TEX15: variants seen among roughly 807,000 people sequenced by gnomAD.
TEX15 encodes the protein testis expressed 15, meiosis and synapsis associated.
A neutral mutation model predicts 237.3 loss-of-function variants in TEX15; 171 were observed. The ratio of observed to expected loss-of-function variants is 0.72; its 90% CI spans 0.64 to 0.82. The LOEUF (loss-of-function observed/expected upper bound fraction) is 0.82. Ranked by LOEUF, TEX15 falls within the 40% of genes least tolerant of loss-of-function variation. TEX15 has a pLI of 0.00. For synonymous variants in TEX15, 1,338 were observed against 1,269.8 expected, an observed-to-expected ratio of 1.05 and a Z score of -1.14; for missense variants, 3,750 against 3,646.5, an observed-to-expected ratio of 1.03 and a Z score of -0.73.
At chr8:30,903,482 G>T (rs934815414) in intron 1 of TEX15, among the ~76,000 whole-genome samples, 1 of 152,288 alleles carries the variant, frequency 6.6e-6, no homozygotes, top group South Asian at 2.1e-4. Context: ...TGCAGAGAAA[G>T]GTGAGAAACA....
chr8:30,889,974 AG>A (rs1808765198), intron 2 of TEX15, among the ~76,000 whole-genome samples: 1 of 104,988 alleles, frequency 9.5e-6, no homozygotes, highest in African/African-American at 4.8e-5. Context: ...TATATGTATA[AG>A]TAAAATCAGG....
In TEX15 at chr8:30,843,191, GT is replaced by G. The variant is rs2128767280; in HGVS notation, c.6975del (p.Glu2325AspfsTer13). The G allele has an allele frequency of 6.2e-7, 1 of 1,613,390 alleles. No homozygotes were observed. Reference protein sequence around the residue: ...YDTLSKDLNNEPISPIGLEED... With the variant: ...YDTLSKDLNNXPISPIGLEED... ...TCCTCAAGCCCAATAGGGGAAATTG[GT>G]TCATTGTTTAAATCTTTAGACAAAG... On this transcript the variant is annotated frameshift_variant, in exon 8 of 11. Coordinates refer to ENST00000643185, the MANE Select transcript of TEX15 (RefSeq NM_001350162.2). LOFTEE classifies it high-confidence loss of function.
intron 5 of TEX15, among the ~76,000 whole-genome samples, chr8:30,863,378 G>T (rs1808092238): frequency 6.6e-6 from 1 of 152,230 alleles, no homozygotes; most frequent in East Asian, 1.9e-4. Context: ...CACCCTTTGT[G>T]CCCCATGACA....
chr8:30,888,747 G>C, intron 2 of TEX15: 1 of 973,138 alleles, frequency 1.0e-6, no homozygotes, highest in Non-Finnish European at 1.4e-6. Context: ...GATCACAAAG[G>C]ATAAGGTTCT....
chr8:30,855,325 T>G (rs1807886751), intron 7 of TEX15, among the ~76,000 whole-genome samples: 1 of 152,110 alleles, frequency 6.6e-6, no homozygotes, highest in Non-Finnish European at 1.5e-5. Flanking sequence ...AATAAATAAT[T>G]CCATTTATGA....
chr8:30,867,303 T>C lies in TEX15; in HGVS notation c.502A>G (p.Ser168Gly), dbSNP rs1471123034. 8 of 1,516,754 alleles carry C rather than the reference T, an allele frequency of 5.3e-6. No homozygotes were observed. Among genetic ancestry groups the C allele is most frequent in the Non-Finnish European group, 7.1e-6 (8 of 1,129,776 alleles). 94.0% of individuals were successfully genotyped at this position (1,516,754 alleles called of 1,614,324 possible). ...HVDIALNYSH[S>G]QSITVESILI... The stretch of plus-strand genomic sequence containing the variant: ...ATACTTTCTACAGTAATGCTTTGAC[T>C]ATGAGAATAATTCAAGGCAATATCA... Residue 168 changes from serine to glycine, a missense_variant, in exon 5 of 11, where the codon AGT (serine) becomes GGT (glycine). Ser to Gly is a moderately conservative substitution (Grantham distance 56). Transcript: ENST00000643185.
At chr8:30,877,221 G>A (rs924854977) in intron 3 of TEX15, among the ~76,000 whole-genome samples, 1 of 152,166 alleles carries the variant, frequency 6.6e-6, no homozygotes, top group Non-Finnish European at 1.5e-5. Context: ...TCAAATTCTA[G>A]AGCCCTACGT....
intron 8 of TEX15, 84 bp from the exon 9 acceptor site, chr8:30,840,048 T>A: frequency 1.3e-6 from 1 of 780,382 alleles, no homozygotes; most frequent in Non-Finnish European, 1.9e-6. Context: ...ATTAGATATT[T>A]TTAATTGCTT....
intron 7 of TEX15, among the ~76,000 whole-genome samples, chr8:30,856,289 C>T (rs991488198): frequency 2.0e-5 from 3 of 151,758 alleles, no homozygotes; most frequent in Non-Finnish European, 4.4e-5. Flanking sequence ...TTCGGTGGCT[C>T]ACGACTGTAA....
At chr8:30,888,972 A>G (rs1181846450) in intron 2 of TEX15, among the ~76,000 whole-genome samples, 1 of 152,232 alleles carries the variant, frequency 6.6e-6, no homozygotes, top group Non-Finnish European at 1.5e-5. Flanking sequence ...AGCTCTAGAG[A>G]TACTTGTCAA....
At chr8:30,877,165 G>C (rs1808416940) in intron 3 of TEX15, among the ~76,000 whole-genome samples, 1 of 152,168 alleles carries the variant, frequency 6.6e-6, no homozygotes, top group Non-Finnish European at 1.5e-5. Flanking sequence ...ACAAGGCAGG[G>C]CATGGCCTCA....
chr8:30,888,788 C>G, intron 2 of TEX15: 1 of 516,376 alleles, frequency 1.9e-6, no homozygotes, highest in South Asian at 1.7e-5. Context: ...CCCTCTTAAT[C>G]CCCTCCTGTT....
chr8:30,858,873 C>T (rs1807974053), intron 6 of TEX15, 43 bp from the exon 7 acceptor site: 1 of 1,397,046 alleles, frequency 7.2e-7, no homozygotes, highest in Non-Finnish European at 9.4e-7. Flanking sequence ...TTTTGGCAAT[C>T]AGAGTTGAAT....
At chr8:30,888,587 T>C in intron 2 of TEX15, 1 of 1,277,992 alleles carries the variant, frequency 7.8e-7, no homozygotes, top group Non-Finnish European at 1.0e-6. Context: ...AAAAGAAAGC[T>C]ATGGAGTATA....
chr8:30,833,219 A>G lies in TEX15; in HGVS notation c.*67T>C. 1 of 1,117,022 alleles carries G rather than the reference A, an allele frequency of 9.0e-7. No individual in the cohort carries two copies. The highest frequency in any genetic ancestry group is 1.3e-6 in the Non-Finnish European group (1 of 781,900). 69.2% of individuals were successfully genotyped at this position (1,117,022 alleles called of 1,614,324 possible). ...ACATTAAAAATCGCTAAATGTTAAA[A>G]AATATATAAGTAAAAAATATTTGGA... On this transcript the variant is annotated 3_prime_UTR_variant, in exon 11 of 11. Coordinates refer to ENST00000643185, the MANE Select transcript of TEX15 (RefSeq NM_001350162.2).
chr8:30,879,936 TTTAA>T (rs1335440981), intron 3 of TEX15, among the ~76,000 whole-genome samples: 3 of 137,750 alleles, frequency 2.2e-5, no homozygotes, highest in African/African-American at 3.4e-5. Flanking sequence ...CCTTTTTTTT[TTTAA>T]AAAAAAAAAT....
In TEX15 at chr8:30,847,104, T is replaced by A; in HGVS notation, c.3063A>T (p.Leu1021Phe). The A allele has an allele frequency of 6.2e-7, 1 of 1,613,704 alleles. No individual in the cohort carries two copies. The highest frequency in any genetic ancestry group is 1.7e-5 in the Admixed American group (1 of 59,986). Residue 1021 changes from leucine (L) to phenylalanine (F), a missense_variant, in exon 8 of 11, where the codon TTA (leucine) becomes TTT (phenylalanine). Leu to Phe is a conservative substitution (Grantham distance 22). Coordinates refer to ENST00000643185, the MANE Select transcript of TEX15 (RefSeq NM_001350162.2). ...CSSESPDFGL[L>F]VKHRVSDCEI... is the part of the protein sequence containing the mutation. The stretch of plus-strand genomic sequence containing the variant: ...CACAATCAGAAACCCTATGTTTTAC[T>A]AACAAACCAAAATCTGGACTTTCAG...
chr8:30,840,508 C>T (rs1018779518), intron 8 of TEX15, among the ~76,000 whole-genome samples: 3 of 152,084 alleles, frequency 2.0e-5, no homozygotes, highest in Non-Finnish European at 4.4e-5. Context: ...TAAAACTAAC[C>T]TTGAAGTCCA....
chr8:30,868,793 T>C (rs1808228762), intron 4 of TEX15, among the ~76,000 whole-genome samples: 1 of 151,764 alleles, frequency 6.6e-6, no homozygotes, highest in Non-Finnish European at 1.5e-5. Context: ...ACAGAATAAA[T>C]TAAAGATGTA....
Sources: allele counts gnomAD v4.1 joint callset (sites outside exome capture counted in the v4.1 genomes callset), GRCh38; gene constraint gnomAD v4.1.1; transcripts MANE v1.5; gene names NCBI Gene and HGNC (gene_info 2026-07-23, HGNC 2026-07-21).